Variants in SCN10A observed in about 807,000 individuals in gnomAD.
SCN10A encodes the protein sodium channel protein type 10 subunit alpha.
A neutral mutation model predicts 170.7 loss-of-function variants in SCN10A; 162 were observed. The observed-to-expected ratio is 0.95, with a 90% confidence interval of 0.84 to 1.08. The LOEUF is 1.08. Among genes scored for constraint, SCN10A ranks in the 50% least tolerant of loss-of-function variants. The pLI is 0.00. For synonymous variants in SCN10A, 985 were observed against 904.6 expected (o/e 1.09, Z -1.59); for missense variants, 2,527 against 2,436.9 (o/e 1.04, Z -0.78).
At chr3:38,710,735 T>G in intron 24 of SCN10A, 109 bp downstream of exon 24, 1 of 1,037,666 alleles carries the variant, frequency 9.6e-7, no homozygotes, top group Non-Finnish European at 1.5e-6. Flanking sequence ...GGTTGCTGGG[T>G]GATCGCCTCT....
At chr3:38,728,127 T>A (rs1343353978) in intron 16 of SCN10A, among the ~76,000 whole-genome samples, 1 of 152,200 alleles carries the variant, frequency 6.6e-6, no homozygotes. Context: ...AGACACCGTT[T>A]ATTGAGTTCC....
rs1326465635 is a variant in SCN10A at position 38,698,834 on chromosome 3, A to G, written c.4658-272T>C. ...TAGAATATCCTCTTGGTCAACCTCCACAGTCAAAAACTTATCTTCTGCAGC... is the reference window on the plus strand; with the variant it reads ...TAGAATATCCTCTTGGTCAACCTCCGCAGTCAAAAACTTATCTTCTGCAGC... On this transcript the variant is annotated intron_variant, in intron 27 of 27. Coordinates refer to ENST00000449082, the MANE Select transcript of SCN10A (RefSeq NM_006514.4). Among the ~76,000 whole-genome samples, 3 of 152,220 alleles carry G rather than the reference A, an allele frequency of 2.0e-5. No homozygotes were observed. The East Asian group carries it at 5.8e-4, about 29-fold the overall frequency.
chr3:38,738,883 T>C (rs1420942408), intron 15 of SCN10A, among the ~76,000 whole-genome samples: 2 of 152,150 alleles, frequency 1.3e-5, no homozygotes, highest in Non-Finnish European at 2.9e-5. Context: ...CATCATTGCA[T>C]GTGAGTGAGA....
chr3:38,811,920 C>A (rs1357066178), intron 1 of SCN10A, among the ~76,000 whole-genome samples: 1 of 152,302 alleles, frequency 6.6e-6, no homozygotes, highest in Admixed American at 6.5e-5. Context: ...GCCACTGAAC[C>A]AGCGGGCCAA....
chr3:38,789,477 C>A (rs1217355369), intron 3 of SCN10A, among the ~76,000 whole-genome samples: 2 of 152,056 alleles, frequency 1.3e-5, no homozygotes, highest in Non-Finnish European at 2.9e-5. Context: ...TTTCATCTGG[C>A]AAATGTCTTT....
chr3:38,721,157 G>A (rs989283901), intron 20 of SCN10A, among the ~76,000 whole-genome samples: 4 of 152,144 alleles, frequency 2.6e-5, no homozygotes, highest in Admixed American at 6.5e-5. Context: ...GCCATGCACC[G>A]AGCAGTTTTG....
At chr3:38,807,481 T>G (rs1011346969) in intron 1 of SCN10A, among the ~76,000 whole-genome samples, 3 of 152,214 alleles carry the variant, frequency 2.0e-5, no homozygotes, top group Non-Finnish European at 4.4e-5. Flanking sequence ...TTTATACTTC[T>G]ACTGACTTGA....
chr3:38,733,428 TA>T (rs1428279010), intron 15 of SCN10A, among the ~76,000 whole-genome samples: 3 of 152,158 alleles, frequency 2.0e-5, no homozygotes, highest in Non-Finnish European at 4.4e-5. Context: ...CATTGATTAA[TA>T]AAAATTTTTA....
At chr3:38,702,244 C>A in intron 26 of SCN10A, 135 bp from the exon 27 acceptor site, 1 of 912,582 alleles carries the variant, frequency 1.1e-6, no homozygotes, top group Non-Finnish European at 1.5e-6. Context: ...TTACCTCTTC[C>A]AAAATTTCAC....
Position 38,707,305 on chromosome 3 carries a change from G to A in SCN10A, c.4360C>T (p.Pro1454Ser). 6.2e-7 allele frequency: 1 copy of A among 1,614,084 alleles called. No homozygotes were observed. The highest frequency in any genetic ancestry group is 1.1e-5 in the South Asian group (1 of 91,080). Residue 1454 changes from proline to serine, a missense_variant, in exon 26 of 28, where the codon CCC (proline) becomes TCC (serine). Transcript: ENST00000449082. Reference sequence around the variant, plus strand: ...AGGGGCCGTGGGATGGGCTTCTGGGGCTTCTTGGAGCCCAACTTCTTCATG... The same window carrying A: ...AGGGGCCGTGGGATGGGCTTCTGGGACTTCTTGGAGCCCAACTTCTTCATG... ...NAMKKLGSKKPQKPIPRPLNK... is the reference protein window; with the variant it reads ...NAMKKLGSKKSQKPIPRPLNK...
At chr3:38,715,632 G>T (rs1300573219) in intron 21 of SCN10A, among the ~76,000 whole-genome samples, 3 of 152,072 alleles carry the variant, frequency 2.0e-5, no homozygotes. Context: ...CCTTGGTCCT[G>T]CTCATTTCTA....
chr3:38,738,715 A>G (rs1053687920), intron 15 of SCN10A, among the ~76,000 whole-genome samples: 3 of 152,166 alleles, frequency 2.0e-5, no homozygotes, highest in South Asian at 4.1e-4. Flanking sequence ...AGAGTCAGTG[A>G]GATGCCAAGC....
rs368793970 is a variant in SCN10A at position 38,697,308 on chromosome 3, G to T, written c.*41C>A. The T allele has an allele frequency of 1.9e-6, 3 of 1,599,366 alleles. No homozygotes were observed. The African/African-American group carries it at 4.0e-5, about 21-fold the overall frequency. On this transcript the variant is annotated 3_prime_UTR_variant, in exon 28 of 28. Transcript: ENST00000449082. ...GGAAAGAGTTAACACAGAGCAGAAG[G>T]ACGCATCATAACTGAACATATCCAG... is the stretch of plus-strand genomic sequence containing the variant.
chr3:38,703,558 T>A (rs1020937868), intron 26 of SCN10A, among the ~76,000 whole-genome samples: 1 of 152,200 alleles, frequency 6.6e-6, no homozygotes, highest in African/African-American at 2.4e-5. Flanking sequence ...CTTCCCATAA[T>A]ATTAGATCCA....
intron 27 of SCN10A, among the ~76,000 whole-genome samples, chr3:38,699,198 GTT>G (rs66689339): frequency 0.12 from 14,895 of 126,998 alleles, 926 homozygotes; most frequent in Non-Finnish European, 0.15. Flanking sequence ...GCCTTAATTT[GTT>G]TTTTTTTTTT....
intron 26 of SCN10A, among the ~76,000 whole-genome samples, chr3:38,702,769 C>T (rs1169389366): frequency 2.0e-5 from 3 of 152,166 alleles, no homozygotes; most frequent in Admixed American, 6.5e-5. Flanking sequence ...AGGTATAGGG[C>T]GTAGGGTCAA....
At chr3:38,813,730 G>A (rs1005561447) in intron 1 of SCN10A, among the ~76,000 whole-genome samples, 1 of 152,178 alleles carries the variant, frequency 6.6e-6, no homozygotes, top group East Asian at 1.9e-4. Context: ...AAATACCAAG[G>A]TAAGAAGAGT....
At chr3:38,738,521 C>G (rs1005503479) in intron 15 of SCN10A, among the ~76,000 whole-genome samples, 4 of 152,170 alleles carry the variant, frequency 2.6e-5, no homozygotes, top group Non-Finnish European at 5.9e-5. Context: ...CCATGCACCC[C>G]CTTCAACCTC....
chr3:38,727,312 G>T (rs1019433985), intron 16 of SCN10A, among the ~76,000 whole-genome samples: 1 of 152,240 alleles, frequency 6.6e-6, no homozygotes, highest in Non-Finnish European at 1.5e-5. Flanking sequence ...CCGCTGAGCA[G>T]AGGGACATTT....
Sources: gnomAD v4.1 joint callset for allele counts (sites outside exome capture counted in the v4.1 genomes callset) on GRCh38, gnomAD v4.1.1 for gene constraint, MANE v1.5 for transcripts, NCBI Gene and HGNC (gene_info 2026-07-23, HGNC 2026-07-21) for gene names.